The following VPS8 variants were observed in gnomAD, a reference collection of about 807,000 sequenced individuals.
VPS8 encodes the protein VPS8 subunit of CORVET complex.
In VPS8, 129 loss-of-function variants were observed where a neutral mutation model predicts 216.4. The observed-to-expected ratio is 0.60, with a 90% CI of 0.52 to 0.69. The LOEUF (loss-of-function observed/expected upper bound fraction) is 0.69. VPS8 is among the 30% of genes least tolerant of loss of function. The pLI is 0.00. For synonymous variants in VPS8, 571 were observed against 565.4 expected, an observed-to-expected ratio of 1.01 and a Z score of -0.14; for missense variants, 1,531 against 1,683.5, an observed-to-expected ratio of 0.91 and a Z score of 1.59.
chr3:184,926,710 ATTC>A (rs890187110), intron 31 of VPS8, 60 bp downstream of exon 31: 119 of 1,518,106 alleles, frequency 7.8e-5, no homozygotes, highest in Non-Finnish European at 1.0e-4. Flanking sequence ...GCCAGAAAGA[ATTC>A]TTCTGTGCTA....
chr3:184,892,363 C>T (rs138782382), intron 22 of VPS8, among the ~76,000 whole-genome samples: 12 of 152,182 alleles, frequency 7.9e-5, no homozygotes, highest in Admixed American at 4.6e-4. Context: ...ATTACAGGCG[C>T]GTGCCACCAT....
chr3:185,014,873 A>T (rs979477523), intron 45 of VPS8, among the ~76,000 whole-genome samples: 65 of 152,312 alleles, frequency 4.3e-4, no homozygotes, highest in African/African-American at 1.5e-3. Flanking sequence ...TAGAAGCTGG[A>T]ATGCCCATCA....
At chr3:184,973,150 A>G (rs1329526809) in intron 40 of VPS8, among the ~76,000 whole-genome samples, 1 of 152,214 alleles carries the variant, frequency 6.6e-6, no homozygotes, top group Non-Finnish European at 1.5e-5. Flanking sequence ...GAAATGATAC[A>G]TACTCATCAT....
intron 25 of VPS8, among the ~76,000 whole-genome samples, chr3:184,911,386 G>A (rs537852030): frequency 6.6e-6 from 1 of 152,314 alleles, no homozygotes; most frequent in South Asian, 2.1e-4. Flanking sequence ...AGCAAGAAAG[G>A]TGTGTAAATC....
intron 36 of VPS8, among the ~76,000 whole-genome samples, chr3:184,949,350 C>A (rs1744242746): frequency 1.3e-5 from 2 of 151,970 alleles, no homozygotes; most frequent in South Asian, 4.2e-4. Flanking sequence ...ATTAGTCAAA[C>A]CAGGGAAGTG....
chr3:184,868,777 T>C (rs1727822242), intron 18 of VPS8, among the ~76,000 whole-genome samples, 169 bp from the exon 19 acceptor site: 1 of 152,214 alleles, frequency 6.6e-6, no homozygotes, highest in Admixed American at 6.5e-5. Flanking sequence ...CATTATACTA[T>C]CTAGTGCTTG....
intron 46 of VPS8, among the ~76,000 whole-genome samples, chr3:185,038,348 C>T (rs1448297734): frequency 2.0e-5 from 3 of 152,190 alleles, no homozygotes; most frequent in South Asian, 4.1e-4. Context: ...TTTCCACTAA[C>T]GCCTTAGGAC....
chr3:184,938,612 T>C (rs1042877202), intron 35 of VPS8, among the ~76,000 whole-genome samples: 3 of 152,026 alleles, frequency 2.0e-5, no homozygotes, highest in African/African-American at 7.2e-5. Flanking sequence ...AGATTTAAAA[T>C]GATCACTTGT....
In VPS8 at chr3:184,925,445, T is replaced by G. The variant is rs148583313; in HGVS notation, c.2574+464T>G. ...AAAGTAACTAAAAATGACTAACATT[T>G]TCTGAGTCTTCACAATGGCAGACAT... On this transcript the variant is annotated intron_variant, in intron 30 of 47. Coordinates refer to ENST00000625842, the MANE Select transcript of VPS8 (RefSeq NM_001009921.3). 1.8e-3 allele frequency among the ~76,000 whole-genome samples: 269 copies of G among 152,310 alleles called. 1 individual carries two copies. The highest frequency in any genetic ancestry group is 6.1e-3 in the African/African-American group (253 of 41,560).
intron 47 of VPS8, 134 bp downstream of exon 47, chr3:185,048,693 A>G (rs557491381): frequency 1.1e-5 from 10 of 901,600 alleles, no homozygotes; most frequent in African/African-American, 6.7e-5. Flanking sequence ...TTATGGCTAC[A>G]TGGACAACAG....
chr3:184,944,656 T>C (rs1375787078), intron 36 of VPS8: 1 of 918,362 alleles, frequency 1.1e-6, no homozygotes, highest in Non-Finnish European at 1.3e-6. Context: ...ATTTAGCCTT[T>C]GTTAACAATA....
chr3:184,927,888 C>T (rs1739958824), intron 31 of VPS8, among the ~76,000 whole-genome samples: 1 of 152,210 alleles, frequency 6.6e-6, no homozygotes. Context: ...CATGCCGCAG[C>T]ATGCATGTAT....
intron 24 of VPS8, among the ~76,000 whole-genome samples, chr3:184,899,887 G>T (rs1259010742): frequency 6.6e-6 from 1 of 152,100 alleles, no homozygotes; most frequent in Non-Finnish European, 1.5e-5. Flanking sequence ...AATAAAATCT[G>T]GTTTGCATTT....
chr3:184,905,003 C>T (rs961871633), intron 25 of VPS8, among the ~76,000 whole-genome samples: 4 of 152,170 alleles, frequency 2.6e-5, no homozygotes, highest in Non-Finnish European at 5.9e-5. Context: ...TCATGAAGGC[C>T]TTCTTGCTGT....
chr3:184,918,422 A>G (rs1349809690), intron 28 of VPS8, among the ~76,000 whole-genome samples: 2 of 152,184 alleles, frequency 1.3e-5, no homozygotes, highest in Non-Finnish European at 2.9e-5. Flanking sequence ...ACATCTTTGC[A>G]TATTATTCCT....
At chr3:184,944,041 G>GCACACA (rs57639626) in intron 36 of VPS8, among the ~76,000 whole-genome samples, 2,577 of 149,946 alleles carry the variant, frequency 0.017, 74 homozygotes, top group African/African-American at 0.061. Context: ...GGCAGAGGTT[G>GCACACA]CACACACACA....
chr3:185,049,696 C>A (rs1230425207), intron 47 of VPS8, among the ~76,000 whole-genome samples: 2 of 152,278 alleles, frequency 1.3e-5, no homozygotes, highest in South Asian at 4.2e-4. Context: ...CCCCAAATCA[C>A]ACCTCAATTC....
At chr3:184,905,618 CT>C (rs59430187) in intron 25 of VPS8, among the ~76,000 whole-genome samples, 78,060 of 125,542 alleles carry the variant, frequency 0.62, 23,581 homozygotes, top group African/African-American at 0.79. Context: ...AAGCTCAGCT[CT>C]TTTTTTTTTT....
intron 22 of VPS8, among the ~76,000 whole-genome samples, chr3:184,887,200 A>T (rs775002560): frequency 2.6e-5 from 4 of 152,066 alleles, no homozygotes; most frequent in African/African-American, 4.8e-5. Flanking sequence ...TTAAAAAATT[A>T]GTTGGGCATA....
Sources: gnomAD v4.1 joint callset for allele counts (sites outside exome capture counted in the v4.1 genomes callset) on GRCh38, gnomAD v4.1.1 for gene constraint, MANE v1.5 for transcripts, NCBI Gene and HGNC (gene_info 2026-07-23, HGNC 2026-07-21) for gene names.